DDX10: variants seen among roughly 807,000 people sequenced by gnomAD.
DDX10 encodes probable ATP-dependent RNA helicase DDX10.
In DDX10, 74 loss-of-function variants were observed where a neutral mutation model predicts 104.3. That is an observed-to-expected ratio of 0.71 (90% CI 0.59 to 0.86). DDX10 has a LOEUF of 0.86. DDX10 is among the 40% of genes least tolerant of loss of function. DDX10 has a pLI of 0.00. For missense variants in DDX10, 952 were observed against 1,040.0 expected, an observed-to-expected ratio of 0.92 and a Z score of 1.16; for synonymous variants, 351 against 353.4, an observed-to-expected ratio of 0.99 and a Z score of 0.08.
At chr11:108,907,404 C>A (rs201592123) in intron 16 of DDX10, among the ~76,000 whole-genome samples, 2 of 151,054 alleles carry the variant, frequency 1.3e-5, no homozygotes, top group Non-Finnish European at 2.9e-5. Context: ...GGCGTGATCT[C>A]AGCTCACTGC....
At chr11:108,708,602 C>CATTTTT (rs2094279890) in intron 10 of DDX10, among the ~76,000 whole-genome samples, 1 of 145,170 alleles carries the variant, frequency 6.9e-6, no homozygotes, top group Non-Finnish European at 1.5e-5. Flanking sequence ...GAGTCTTGCT[C>CATTTTT]TGTCGTTCAG....
chr11:108,731,470 A>C (rs2094312193), intron 13 of DDX10, among the ~76,000 whole-genome samples: 1 of 151,488 alleles, frequency 6.6e-6, no homozygotes, highest in Admixed American at 6.6e-5. Flanking sequence ...GTTTTTAAGC[A>C]ATTGGTTTTG....
intron 16 of DDX10, among the ~76,000 whole-genome samples, chr11:108,896,822 G>C (rs371192822): frequency 6.6e-6 from 1 of 151,896 alleles, no homozygotes. Context: ...ACATTGTCTG[G>C]CCTTGACTAG....
chr11:108,829,619 T>C (rs1182472616), intron 13 of DDX10, among the ~76,000 whole-genome samples: 1 of 152,252 alleles, frequency 6.6e-6, no homozygotes, highest in Non-Finnish European at 1.5e-5. Flanking sequence ...TATCTTTGTT[T>C]TTGCTGCATT....
intron 1 of DDX10, among the ~76,000 whole-genome samples, chr11:108,672,065 A>G (rs2094217835): frequency 6.8e-6 from 1 of 146,486 alleles, no homozygotes; most frequent in Non-Finnish European, 1.5e-5. Flanking sequence ...CATCTCGGAA[A>G]AAAAAAAAAA....
intron 16 of DDX10, among the ~76,000 whole-genome samples, chr11:108,858,791 C>T (rs1862904010): frequency 6.6e-6 from 1 of 152,138 alleles, no homozygotes; most frequent in Non-Finnish European, 1.5e-5. Flanking sequence ...TAACTTCGAG[C>T]TCCTCAAGTT....
rs746215092 is a variant in DDX10 at position 108,691,973 on chromosome 11, A to C, written c.1073A>C (p.Tyr358Ser). ...CAGCAAATGAGAAGAATGGAAGTCTATAATGAGTTTGTCCGTAAGAGAGCT... is the reference window on the plus strand; with the variant it reads ...CAGCAAATGAGAAGAATGGAAGTCTCTAATGAGTTTGTCCGTAAGAGAGCT... ...RQQQMRRMEV[Y>S]NEFVRKRAAV... is the part of the protein sequence containing the mutation. Residue 358 changes from tyrosine to serine, a missense_variant, in exon 8 of 18, where the codon TAT becomes TCT. Physicochemically the swap from Tyr to Ser is moderately radical, Grantham distance 144. Coordinates refer to ENST00000322536, the MANE Select transcript of DDX10 (RefSeq NM_004398.4). 8 of 1,614,168 alleles carry C rather than the reference A, an allele frequency of 5.0e-6. No homozygotes were observed. The highest frequency in any genetic ancestry group is 6.8e-6 in the Non-Finnish European group (8 of 1,180,010).
At chr11:108,892,288 C>G (rs1241459256) in intron 16 of DDX10, among the ~76,000 whole-genome samples, 1 of 152,128 alleles carries the variant, frequency 6.6e-6, no homozygotes, top group Non-Finnish European at 1.5e-5. Flanking sequence ...CCCTCTTTCT[C>G]TGGCCTCCTC....
At chr11:108,896,167 A>G (rs929281899) in intron 16 of DDX10, among the ~76,000 whole-genome samples, 2 of 152,188 alleles carry the variant, frequency 1.3e-5, no homozygotes, top group Non-Finnish European at 2.9e-5. Flanking sequence ...TACATCTACT[A>G]TGAATTGTTA....
chr11:108,713,506 C>T (rs146905292), intron 10 of DDX10, among the ~76,000 whole-genome samples: 79 of 152,110 alleles, frequency 5.2e-4, no homozygotes, highest in African/African-American at 1.8e-3. Flanking sequence ...CATTTCTTTT[C>T]GGTTCTTTCT....
intron 16 of DDX10, among the ~76,000 whole-genome samples, chr11:108,877,261 T>C (rs554163618): frequency 6.6e-6 from 1 of 152,362 alleles, no homozygotes; most frequent in Admixed American, 6.5e-5. Context: ...TTGCTTCATA[T>C]TTATGATTCT....
rs767786952 is a variant in DDX10 at position 108,723,149 on chromosome 11, A to G, written c.1652A>G (p.Tyr551Cys). 1.2e-6 allele frequency: 2 copies of G among 1,613,888 alleles called. No individual in the cohort carries two copies. The highest frequency in any genetic ancestry group is 1.7e-6 in the Non-Finnish European group (2 of 1,179,902). The change falls in exon 13 of 18, where the codon TAC (tyrosine) becomes TGC (cysteine). Residue 551 changes from tyrosine to cysteine, a missense_variant. Transcript: ENST00000322536. ...TNDEVEEFRA[Y>C]FNEKMSILQK... ...GACGAAGTGGAAGAATTTAGAGCCT[A>G]CTTCAATGAGAAAATGTCCATCCTT...
chr11:108,832,745 A>G (rs1450724779), intron 13 of DDX10, among the ~76,000 whole-genome samples: 1 of 152,228 alleles, frequency 6.6e-6, no homozygotes, highest in East Asian at 1.9e-4. Context: ...TTGGAAATAT[A>G]TTTCAAAATT....
rs189081616 is a variant in DDX10 at position 108,905,833 on chromosome 11, T to G, written c.2305-12040T>G. On this transcript the variant is annotated intron_variant, in intron 16 of 17. Coordinates refer to ENST00000322536, the MANE Select transcript of DDX10 (RefSeq NM_004398.4). ...AGTGGCATCTGCTTCTGGGGAGGCC[T>G]CAAGAAGCTTCCAGTCATGGCAGAA... is the stretch of plus-strand genomic sequence containing the variant. 5.8e-3 allele frequency among the ~76,000 whole-genome samples: 889 copies of G among 152,278 alleles called. 3 individuals are homozygous for G. Among genetic ancestry groups the G allele is most frequent in the Non-Finnish European group, 9.6e-3 (654 of 68,022 alleles).
chr11:108,786,629 T>C lies in DDX10; in HGVS notation c.1966-51817T>C, dbSNP rs190568520. 6.6e-4 allele frequency among the ~76,000 whole-genome samples: 101 copies of C among 152,280 alleles called. 1 individual carries two copies. Among genetic ancestry groups the C allele is most frequent in the Admixed American group, 3.9e-3 (59 of 15,290 alleles). ...TAATGCCCTTCTTCGTTCTCCCTGA[T>C]TGTTATTGGTTTAAAGTCTGTTTTA... On this transcript the variant is annotated intron_variant, in intron 13 of 17. Coordinates refer to ENST00000322536, the MANE Select transcript of DDX10 (RefSeq NM_004398.4).
In DDX10 at chr11:108,743,928, C is replaced by T. The variant is rs181687281; in HGVS notation, c.1965+20466C>T. 8.3e-3 allele frequency among the ~76,000 whole-genome samples: 1,259 copies of T among 152,164 alleles called. 15 individuals are homozygous for T. The highest frequency in any genetic ancestry group is 0.013 in the South Asian group (60 of 4,800). On this transcript the variant is annotated intron_variant, in intron 13 of 17. Transcript: ENST00000322536. Reference sequence around the variant, plus strand: ...AAAACTGCCAGGTAATACTTATGTTCCTTTTGAGACATTTAAATAAATTTA... The same window carrying T: ...AAAACTGCCAGGTAATACTTATGTTTCTTTTGAGACATTTAAATAAATTTA...
At chr11:108,886,434 C>G (rs147025107) in intron 16 of DDX10, among the ~76,000 whole-genome samples, 1 of 152,214 alleles carries the variant, frequency 6.6e-6, no homozygotes, top group African/African-American at 2.4e-5. Flanking sequence ...CATTTTTTTC[C>G]ATAGGTCATT....
intron 10 of DDX10, among the ~76,000 whole-genome samples, chr11:108,707,564 A>G (rs541154136): frequency 5.3e-5 from 8 of 152,156 alleles, no homozygotes; most frequent in South Asian, 2.1e-4. Flanking sequence ...ATAACCAGCT[A>G]TAGCCTGGTT....
intron 5 of DDX10, 52 bp from the exon 6 acceptor site, chr11:108,679,319 G>A (rs1254373751): frequency 3.5e-6 from 5 of 1,446,808 alleles, no homozygotes; most frequent in African/African-American, 1.4e-5. Context: ...ATTGCATTTA[G>A]CCTAATGTAT....
Sources: allele counts gnomAD v4.1 joint callset (sites outside exome capture counted in the v4.1 genomes callset), GRCh38; gene constraint gnomAD v4.1.1; transcripts MANE v1.5; gene names NCBI Gene and HGNC (gene_info 2026-07-23, HGNC 2026-07-21).